The following BTG4 variants were observed in gnomAD, a reference collection of about 807,000 sequenced individuals.
BTG4 encodes protein BTG4.
In BTG4, 10 loss-of-function variants were observed where a neutral mutation model predicts 19.3. The observed-to-expected ratio is 0.52, with a 90% CI of 0.32 to 0.88. The LOEUF (loss-of-function observed/expected upper bound fraction) is 0.88, where lower values mean the gene tolerates loss of function less well. BTG4 is among the 40% of genes least tolerant of loss of function. BTG4 has a pLI of 0.04. For synonymous variants in BTG4, 91 were observed against 95.7 expected, an observed-to-expected ratio of 0.95 and a Z score of 0.29; for missense variants, 238 against 281.9, an observed-to-expected ratio of 0.84 and a Z score of 1.11.
the BTG4 span, among the ~76,000 whole-genome samples, chr11:111,400,522 C>T: frequency 6.6e-6 from 1 of 152,192 alleles, no homozygotes; most frequent in African/African-American, 2.4e-5. Context: ...TATAGCATAA[C>T]TTTAACATCA....
intron 1 of BTG4, among the ~76,000 whole-genome samples, chr11:111,509,964 T>G (rs968091900): frequency 1.4e-5 from 2 of 145,214 alleles, no homozygotes; most frequent in Non-Finnish European, 3.0e-5. Context: ...CAGGCTGGAG[T>G]GCAGTGGCAC....
At chr11:111,507,358 GTTT>G (rs1352840584) in intron 1 of BTG4, among the ~76,000 whole-genome samples, 1 of 151,908 alleles carries the variant, frequency 6.6e-6, no homozygotes, top group Non-Finnish European at 1.5e-5. Context: ...AAATCTGAGG[GTTT>G]TTGTTTTTTG....
At chr11:111,504,699 T>A (rs1866328537) in intron 1 of BTG4, among the ~76,000 whole-genome samples, 1 of 152,172 alleles carries the variant, frequency 6.6e-6, no homozygotes, top group East Asian at 1.9e-4. Context: ...ACTGACAATA[T>A]GATTGTATAC....
chr11:111,493,684 C>G (rs971489716), downstream of BTG4, among the ~76,000 whole-genome samples: 1 of 152,128 alleles, frequency 6.6e-6, no homozygotes, highest in Admixed American at 6.5e-5. Context: ...AACTCCCACA[C>G]TATAGTAGAA....
chr11:111,422,938 T>C, the BTG4 span, among the ~76,000 whole-genome samples: 1 of 152,206 alleles, frequency 6.6e-6, no homozygotes, highest in African/African-American at 2.4e-5. Context: ...CACACCTCTC[T>C]GTTTTCCCCC....
At chr11:111,507,364 G>GTTTTTTGT (rs1162662617) in intron 1 of BTG4, among the ~76,000 whole-genome samples, 2 of 151,878 alleles carry the variant, frequency 1.3e-5, no homozygotes, top group Non-Finnish European at 2.9e-5. Flanking sequence ...GAGGGTTTTT[G>GTTTTTTGT]TTTTTTGTTT....
At chr11:111,468,155 C>T (rs1789357) in intron 5 of BTG4, among the ~76,000 whole-genome samples, 52,069 of 152,158 alleles carry the variant, frequency 0.34, 10,588 homozygotes, top group South Asian at 0.59. Context: ...TTATACTTGA[C>T]TAGTAGGTTG....
At chr11:111,446,624 A>ACACACACACACAC in the BTG4 span, among the ~76,000 whole-genome samples, 1 of 146,844 alleles carries the variant, frequency 6.8e-6, no homozygotes, top group Non-Finnish European at 1.5e-5. Flanking sequence ...GACACCAATA[A>ACACACACACACAC]ACACACACAC....
downstream of BTG4, among the ~76,000 whole-genome samples, chr11:111,494,648 C>T (rs1039518689): frequency 1.3e-4 from 19 of 151,950 alleles, no homozygotes; most frequent in African/African-American, 4.4e-4. Context: ...GAATGGTGGC[C>T]GGGCACGGTG....
chr11:111,396,269 C>T, the BTG4 span, among the ~76,000 whole-genome samples: 2 of 152,218 alleles, frequency 1.3e-5, no homozygotes, highest in Non-Finnish European at 2.9e-5. Flanking sequence ...TGCCTTGGCA[C>T]TAGGTAACGT....
At chr11:111,456,021 C>T in the BTG4 span, 151 of 283,060 alleles carry the variant, frequency 5.3e-4, 2 homozygotes, top group East Asian at 0.011. The surrounding 1 kb of genome is among the most constrained non-coding windows in gnomAD (Gnocchi z 4.2). Context: ...AGAGCGGACA[C>T]CCCAAGGTCG....
chr11:111,507,274 T>C (rs1157672007), intron 1 of BTG4, among the ~76,000 whole-genome samples: 5 of 152,218 alleles, frequency 3.3e-5, no homozygotes, highest in African/African-American at 1.2e-4. Flanking sequence ...AAGGGGAAAG[T>C]TTATTAACTT....
chr11:111,384,158 C>T, the BTG4 span, among the ~76,000 whole-genome samples: 1 of 152,158 alleles, frequency 6.6e-6, no homozygotes, highest in Non-Finnish European at 1.5e-5. Flanking sequence ...ACAATCTCTT[C>T]TGAAAGTAAC....
At chr11:111,465,317 T>C (rs1352937761), downstream of BTG4, among the ~76,000 whole-genome samples, 2 of 152,148 alleles carry the variant, frequency 1.3e-5, no homozygotes, top group African/African-American at 4.8e-5. Context: ...GCCCACTCCA[T>C]ACCTCCAACT....
At chr11:111,459,071 G>A in the BTG4 span, among the ~76,000 whole-genome samples, 71 of 152,006 alleles carry the variant, frequency 4.7e-4, no homozygotes, top group Non-Finnish European at 8.5e-4. Flanking sequence ...GTGAAACCCC[G>A]TCTCTACTAA....
At chr11:111,503,860 C>T (rs541894253) in intron 1 of BTG4, among the ~76,000 whole-genome samples, 71 of 152,080 alleles carry the variant, frequency 4.7e-4, no homozygotes, top group Non-Finnish European at 7.6e-4. Context: ...CAAAGTTCAT[C>T]GATGAAGGTA....
the BTG4 span, among the ~76,000 whole-genome samples, chr11:111,409,300 T>C: frequency 6.6e-6 from 1 of 152,122 alleles, no homozygotes; most frequent in Non-Finnish European, 1.5e-5. Flanking sequence ...ATCCCCACTG[T>C]GGTGGTGTTG....
intron 1 of BTG4, among the ~76,000 whole-genome samples, chr11:111,502,317 G>A (rs556053229): frequency 6.6e-6 from 1 of 152,182 alleles, no homozygotes; most frequent in African/African-American, 2.4e-5. Flanking sequence ...TGCACATCAG[G>A]ATTTTTAAAA....
chr11:111,480,348 C>T (rs771694879), intron 5 of BTG4, among the ~76,000 whole-genome samples: 1 of 151,950 alleles, frequency 6.6e-6, no homozygotes, highest in Non-Finnish European at 1.5e-5. Context: ...CACAGAGAAA[C>T]GGACAAATCA....
Sources: gnomAD v4.1 joint callset for allele counts (sites outside exome capture counted in the v4.1 genomes callset) on GRCh38, gnomAD v4.1.1 for gene constraint, Gnocchi (gnomAD v3.1) non-coding constraint, MANE v1.5 for transcripts, NCBI Gene and HGNC (gene_info 2026-07-23, HGNC 2026-07-21) for gene names.